The following TBK1 variants were observed in gnomAD, a reference collection of about 807,000 sequenced individuals.
TBK1 encodes serine/threonine-protein kinase TBK1.
Under a neutral mutation model 99.9 loss-of-function variants are expected in TBK1, and 37 were observed. The observed-to-expected ratio is 0.37, with a 90% CI of 0.28 to 0.49. TBK1 has a LOEUF of 0.49. Ranked by LOEUF, TBK1 falls within the 20% of genes least tolerant of loss-of-function variation. The pLI is 0.98. For synonymous variants in TBK1, 258 were observed against 279.8 expected, an observed-to-expected ratio of 0.92 and a Z score of 0.78; for missense variants, 644 against 872.5, an observed-to-expected ratio of 0.74 and a Z score of 3.30.
intron 5 of TBK1, among the ~76,000 whole-genome samples, chr12:64,469,814 A>G (rs1464260599): frequency 6.7e-6 from 1 of 149,250 alleles, no homozygotes; most frequent in Non-Finnish European, 1.5e-5. Flanking sequence ...CCCCAACCCC[A>G]CTTTCTGTAA....
In TBK1 at chr12:64,484,505, T is replaced by C. The variant is rs2040799390; in HGVS notation, c.1189+6T>C. On this transcript the variant is annotated splice_donor_region_variant and intron_variant, in intron 9 of 20. Coordinates refer to ENST00000331710, the MANE Select transcript of TBK1 (RefSeq NM_013254.4). ...AGGATTAATATATGAAAAAAGTAAG[T>C]TGGGATTTTTCTTGTCGTTCTTACT... is the stretch of plus-strand genomic sequence containing the variant. 1 of 1,594,382 alleles carries C rather than the reference T, an allele frequency of 6.3e-7. No individual in the cohort carries two copies. The highest frequency in any genetic ancestry group is 1.1e-5 in the South Asian group (1 of 87,322).
chr12:64,461,971 A>G, intron 3 of TBK1, among the ~76,000 whole-genome samples: 1 of 152,240 alleles, frequency 6.6e-6, no homozygotes, highest in Non-Finnish European at 1.5e-5. Flanking sequence ...GATGTATGAC[A>G]GTATGCATGA....
chr12:64,466,020 G>GAT (rs1230234231), intron 4 of TBK1, among the ~76,000 whole-genome samples: 1 of 152,170 alleles, frequency 6.6e-6, no homozygotes, highest in African/African-American at 2.4e-5. Context: ...AAAGTCAAGT[G>GAT]ATAAGGTAAA....
chr12:64,471,030 C>G (rs1203551757), intron 5 of TBK1, among the ~76,000 whole-genome samples: 1 of 152,154 alleles, frequency 6.6e-6, no homozygotes, highest in Non-Finnish European at 1.5e-5. Context: ...TAGTCTAAGG[C>G]TCAGCAGCCT....
chr12:64,455,196 A>G (rs1051259795), intron 1 of TBK1, among the ~76,000 whole-genome samples: 12 of 150,654 alleles, frequency 8.0e-5, no homozygotes, highest in Non-Finnish European at 1.3e-4. Flanking sequence ...GTGTTAGCCA[A>G]GGTGGTCTCA....
intron 15 of TBK1, 41 bp downstream of exon 15, chr12:64,495,816 T>C: frequency 1.4e-6 from 2 of 1,415,602 alleles, no homozygotes; most frequent in South Asian, 2.7e-5. Flanking sequence ...TAAATCCCTC[T>C]TAGTAATTAG....
intron 12 of TBK1, among the ~76,000 whole-genome samples, chr12:64,488,813 GA>G (rs2040842553): frequency 6.6e-6 from 1 of 152,168 alleles, no homozygotes; most frequent in Non-Finnish European, 1.5e-5. Context: ...CCAACATGGT[GA>G]AACTCCGTCT....
intron 12 of TBK1, 44 bp downstream of exon 12, chr12:64,488,632 T>C: frequency 1.6e-6 from 2 of 1,279,324 alleles, no homozygotes; most frequent in Non-Finnish European, 2.2e-6. Context: ...AATTATTAAA[T>C]GTTCCATTTC....
chr12:64,461,256 A>G (rs909731703), intron 3 of TBK1, among the ~76,000 whole-genome samples: 3 of 152,084 alleles, frequency 2.0e-5, no homozygotes, highest in Non-Finnish European at 2.9e-5. Context: ...TAAAAATTTC[A>G]AGAGTCCTAC....
chr12:64,454,672 CTTTTTTTT>C (rs11358053), intron 1 of TBK1, among the ~76,000 whole-genome samples: 1 of 83,632 alleles, frequency 1.2e-5, no homozygotes, highest in African/African-American at 4.9e-5. Context: ...AAACTCAGAT[CTTTTTTTT>C]TTTTTTTTTT....
At chr12:64,459,639 C>T (rs116538590) in intron 2 of TBK1, among the ~76,000 whole-genome samples, 57 of 152,322 alleles carry the variant, frequency 3.7e-4, no homozygotes, top group African/African-American at 1.3e-3. Context: ...TCTACTTTAG[C>T]CTCGCTCTGC....
At chr12:64,462,293 A>C (rs193081703) in intron 3 of TBK1, among the ~76,000 whole-genome samples, 2 of 152,236 alleles carry the variant, frequency 1.3e-5, no homozygotes, top group African/African-American at 4.8e-5. Context: ...TTTTTACCAC[A>C]CAATAGTTAA....
At position 64,469,487 on chromosome 12, in the gene TBK1, T is replaced by G. The variant is rs770540972; in HGVS notation, c.540+2405T>G. Among the ~76,000 whole-genome samples the G allele has an allele frequency of 1.0e-3, 157 of 152,228 alleles. 3 individuals are homozygous for G. The highest frequency in any genetic ancestry group is 2.4e-4 in the Non-Finnish European group (16 of 68,046). ...CACATCTTCATTCTCATTTCTCTGT[T>G]GGTGGTCTTCTCAGTTATATTTGGC... is the stretch of plus-strand genomic sequence containing the variant. On this transcript the variant is annotated intron_variant, in intron 5 of 20. Coordinates refer to ENST00000331710, the MANE Select transcript of TBK1 (RefSeq NM_013254.4).
chr12:64,464,179 A>T (rs1027081692), intron 3 of TBK1, among the ~76,000 whole-genome samples, 155 bp from the exon 4 acceptor site: 3 of 152,178 alleles, frequency 2.0e-5, no homozygotes, highest in Admixed American at 1.3e-4. Context: ...ATTAATTCTT[A>T]TATGTGTATG....
intron 18 of TBK1, 137 bp from the exon 19 acceptor site, chr12:64,497,507 ATAGT>A (rs1158695396): frequency 1.6e-6 from 1 of 619,240 alleles, no homozygotes; most frequent in Non-Finnish European, 2.7e-6. Context: ...TGTATCATCG[ATAGT>A]TTTGAAATCA....
chr12:64,488,426 A>T, intron 11 of TBK1, 61 bp from the exon 12 acceptor site: 2 of 943,184 alleles, frequency 2.1e-6, no homozygotes, highest in Non-Finnish European at 3.1e-6. Context: ...CAGTATAATT[A>T]GTGATAGATA....
At chr12:64,473,405 G>T (rs1196004049) in intron 5 of TBK1, among the ~76,000 whole-genome samples, 1 of 152,188 alleles carries the variant, frequency 6.6e-6, no homozygotes, top group Admixed American at 6.5e-5. Context: ...AAGGAGTTTT[G>T]TGGTCAATTT....
intron 5 of TBK1, among the ~76,000 whole-genome samples, chr12:64,472,247 C>T (rs2040669891): frequency 2.1e-5 from 3 of 142,966 alleles, no homozygotes; most frequent in Non-Finnish European, 3.0e-5. Context: ...CCACCCCCAT[C>T]TCCAGCACCC....
At position 64,481,820 on chromosome 12, in the gene TBK1, T is replaced by C. The variant is rs551774139; in HGVS notation, c.813-22T>C. The stretch of plus-strand genomic sequence containing the variant: ...GAATATGATATATTCACTCTTCAAG[T>C]AACTTTTCAATACTATTTTAGGGGT... On this transcript the variant is annotated intron_variant, in intron 7 of 20. Transcript: ENST00000331710. The C allele has an allele frequency of 3.3e-6, 5 of 1,507,444 alleles. 1 individual carries two copies. In the South Asian group the frequency reaches 6.9e-5, roughly 21 times the overall value. The allele number at this position is 1,507,444 out of a possible 1,614,324, so 93.4% of individuals were successfully genotyped here. A position where few individuals can be genotyped will look rare whatever the true frequency, so the allele number is the denominator to read the frequency against.
Sources: gnomAD v4.1 joint callset for allele counts (sites outside exome capture counted in the v4.1 genomes callset) on GRCh38, gnomAD v4.1.1 for gene constraint, MANE v1.5 for transcripts, NCBI Gene and HGNC (gene_info 2026-07-23, HGNC 2026-07-21) for gene names.